Variants in PARD3B observed in about 807,000 individuals in gnomAD.
PARD3B encodes the protein partitioning defective 3 homolog B.
Under a neutral mutation model 130.2 loss-of-function variants are expected in PARD3B, and 103 were observed. The observed-to-expected ratio is 0.79, with a 90% CI of 0.67 to 0.93. PARD3B has a LOEUF of 0.93. Among genes scored for constraint, PARD3B ranks in the 40% least tolerant of loss-of-function variants. The pLI, the probability that PARD3B is intolerant of heterozygous loss-of-function variation, is 0.00. For synonymous variants in PARD3B, 583 were observed against 553.2 expected (o/e 1.05, Z -0.76); for missense variants, 1,609 against 1,499.2 (o/e 1.07, Z -1.21).
chr2:205,453,275 C>T (rs2048164998), intron 20 of PARD3B, among the ~76,000 whole-genome samples: 1 of 152,060 alleles, frequency 6.6e-6, no homozygotes, highest in South Asian at 2.1e-4. Flanking sequence ...AGGGCATGCA[C>T]AAAGGCCCAC....
chr2:204,754,245 G>T (rs191560217), intron 2 of PARD3B, among the ~76,000 whole-genome samples: 2 of 152,272 alleles, frequency 1.3e-5, no homozygotes, highest in African/African-American at 2.4e-5. Flanking sequence ...TGAAAAGAAC[G>T]TTGAGACAGC....
intron 3 of PARD3B, among the ~76,000 whole-genome samples, chr2:205,032,354 C>T (rs1697487870): frequency 6.6e-6 from 1 of 152,026 alleles, no homozygotes; most frequent in African/African-American, 2.4e-5. Flanking sequence ...AACGTGAGGT[C>T]ACAAAGGCTT....
intron 13 of PARD3B, among the ~76,000 whole-genome samples, chr2:205,178,143 TAAAAAAAAA>T (rs58267787): frequency 1.9e-4 from 4 of 20,772 alleles, no homozygotes; most frequent in Admixed American, 1.2e-3. Flanking sequence ...CCATCTGTAC[TAAAAAAAAA>T]AAAAAAAAAA....
intron 18 of PARD3B, among the ~76,000 whole-genome samples, chr2:205,394,156 A>C (rs1247548137): frequency 6.6e-6 from 1 of 152,078 alleles, no homozygotes; most frequent in Non-Finnish European, 1.5e-5. Flanking sequence ...CCATTATCAA[A>C]TTCCACTTTT....
intron 20 of PARD3B, among the ~76,000 whole-genome samples, chr2:205,452,801 A>G (rs1339505286): frequency 6.6e-6 from 1 of 152,156 alleles, no homozygotes; most frequent in African/African-American, 2.4e-5. Flanking sequence ...TTTATTATGC[A>G]TGAGCTAGGC....
intron 4 of PARD3B, among the ~76,000 whole-genome samples, chr2:205,070,533 A>T (rs1700659486): frequency 6.6e-6 from 1 of 152,124 alleles, no homozygotes. Flanking sequence ...TTGTCCCTGT[A>T]GGTTCTGTTA....
intron 1 of PARD3B, among the ~76,000 whole-genome samples, chr2:204,656,352 A>G (rs916651449): frequency 3.5e-5 from 5 of 142,990 alleles, no homozygotes; most frequent in African/African-American, 1.5e-4. Flanking sequence ...TGGAAGGTTT[A>G]CATGATAGAA....
At chr2:205,238,860 A>G (rs2039203034) in intron 15 of PARD3B, among the ~76,000 whole-genome samples, 1 of 97,134 alleles carries the variant, frequency 1.0e-5, no homozygotes, top group African/African-American at 4.2e-5. Flanking sequence ...ATATATATAT[A>G]TATATATATA....
intron 2 of PARD3B, among the ~76,000 whole-genome samples, chr2:204,855,354 C>T (rs1269647652): frequency 6.6e-6 from 1 of 151,882 alleles, no homozygotes; most frequent in Non-Finnish European, 1.5e-5. Flanking sequence ...ACCATCCTGG[C>T]CAACATGGTG....
chr2:204,577,522 T>G (rs2032327856), intron 1 of PARD3B, among the ~76,000 whole-genome samples: 1 of 152,196 alleles, frequency 6.6e-6, no homozygotes, highest in South Asian at 2.1e-4. Flanking sequence ...TTCAGTACTT[T>G]CTCTTAGAGC....
intron 22 of PARD3B, among the ~76,000 whole-genome samples, chr2:205,582,462 AG>A (rs752863517): frequency 1.6e-4 from 24 of 152,366 alleles, no homozygotes; most frequent in Non-Finnish European, 2.5e-4. Context: ...GAGAAAAAGC[AG>A]GTTCAATCAG....
intron 10 of PARD3B, among the ~76,000 whole-genome samples, chr2:205,126,852 T>C (rs1199126103): frequency 6.6e-6 from 1 of 151,612 alleles, no homozygotes; most frequent in Non-Finnish European, 1.5e-5. Flanking sequence ...TGTAAAATTA[T>C]TTGTGCAGTA....
Position 204,961,356 on chromosome 2 carries a change from A to G in PARD3B, c.223-3796A>G, listed in dbSNP as rs537517964. Among the ~76,000 whole-genome samples the G allele has an allele frequency of 1.9e-3, 285 of 152,224 alleles. 2 individuals carry two copies. Among genetic ancestry groups the G allele is most frequent in the African/African-American group, 6.0e-3 (250 of 41,550 alleles). ...GGTGAGAAGTGGTCAAATAGAGTGT[A>G]TGGGAGACAGAGCAAGAGGGGAGAG... is the stretch of plus-strand genomic sequence containing the variant. On this transcript the variant is annotated intron_variant, in intron 2 of 22. Coordinates refer to ENST00000406610, the MANE Select transcript of PARD3B (RefSeq NM_001302769.2).
chr2:204,870,103 T>G (rs1233310570), intron 2 of PARD3B, among the ~76,000 whole-genome samples: 1 of 152,128 alleles, frequency 6.6e-6, no homozygotes, highest in African/African-American at 2.4e-5. Context: ...GATAACACCC[T>G]CTTCGCCCTC....
In PARD3B at chr2:204,840,423, A is replaced by C. The variant is rs901314292; in HGVS notation, c.223-124729A>C. ...CAATATCATGCTTTCCTTTAGTCCTAGTAAAAAGGGACCCAGAATCTTTGT... is the reference window on the plus strand; with the variant it reads ...CAATATCATGCTTTCCTTTAGTCCTCGTAAAAAGGGACCCAGAATCTTTGT... On this transcript the variant is annotated intron_variant, in intron 2 of 22. Coordinates refer to ENST00000406610, the MANE Select transcript of PARD3B (RefSeq NM_001302769.2). Among the ~76,000 whole-genome samples, 4 of 152,186 alleles carry C rather than the reference A, an allele frequency of 2.6e-5. 1 individual carries two copies. Among genetic ancestry groups the C allele is most frequent in the East Asian group, 3.8e-4 (2 of 5,200 alleles).
chr2:204,762,441 C>G (rs961249619), intron 2 of PARD3B, among the ~76,000 whole-genome samples: 2 of 152,102 alleles, frequency 1.3e-5, no homozygotes, highest in Non-Finnish European at 2.9e-5. Flanking sequence ...CAAAGATTTT[C>G]TAAAGCTAGA....
At chr2:204,621,227 CT>C (rs1400862649) in intron 1 of PARD3B, among the ~76,000 whole-genome samples, 1 of 152,090 alleles carries the variant, frequency 6.6e-6, no homozygotes, top group Non-Finnish European at 1.5e-5. Context: ...AAGGTATTAA[CT>C]GTCAAAAGGT....
chr2:205,456,916 A>G (rs1353272513), intron 20 of PARD3B, among the ~76,000 whole-genome samples: 1 of 150,158 alleles, frequency 6.7e-6, no homozygotes, highest in African/African-American at 2.4e-5. Context: ...ATTATGAAAT[A>G]ATTTATCATA....
At chr2:204,660,203 C>T (rs758096723) in intron 1 of PARD3B, among the ~76,000 whole-genome samples, 1 of 152,096 alleles carries the variant, frequency 6.6e-6, no homozygotes, top group Non-Finnish European at 1.5e-5. Context: ...AAATTTTCAT[C>T]CCTTCTGTTG....
Sources: gnomAD v4.1 joint callset for allele counts (sites outside exome capture counted in the v4.1 genomes callset) on GRCh38, gnomAD v4.1.1 for gene constraint, MANE v1.5 for transcripts, NCBI Gene and HGNC (gene_info 2026-07-23, HGNC 2026-07-21) for gene names.